The following GALNT13 variants were observed in gnomAD, a reference collection of about 807,000 sequenced individuals.
GALNT13 encodes UDP-GalNAc:polypeptide N-acetylgalactosaminyltransferase 13.
In GALNT13, 28 loss-of-function variants were observed where a neutral mutation model predicts 64.2. The ratio of observed to expected loss-of-function variants is 0.44; its 90% CI spans 0.32 to 0.60. The LOEUF is 0.60. Among genes scored for constraint, GALNT13 ranks in the 20% least tolerant of loss-of-function variants. The pLI is 0.05. For missense variants in GALNT13, 577 were observed against 669.8 expected (o/e 0.86, Z 1.53); for synonymous variants, 214 against 224.6 (o/e 0.95, Z 0.42).
At chr2:153,177,994 C>T in the GALNT13 span, among the ~76,000 whole-genome samples, 1 of 152,114 alleles carries the variant, frequency 6.6e-6, no homozygotes, top group Admixed American at 6.5e-5. Context: ...ACTTATTTCA[C>T]TTAGGATGTT....
At chr2:153,997,684 T>C (rs1416515824) in intron 3 of GALNT13, among the ~76,000 whole-genome samples, 1 of 152,198 alleles carries the variant, frequency 6.6e-6, no homozygotes, top group Admixed American at 6.5e-5. Context: ...GGGATACATA[T>C]GCAGAACGTG....
chr2:153,531,416 T>C, the GALNT13 span, among the ~76,000 whole-genome samples: 28 of 152,280 alleles, frequency 1.8e-4, 1 homozygote, highest in South Asian at 6.2e-4. Context: ...ACAAGCTTTA[T>C]TGGGATGGTG....
At chr2:154,354,898 G>T (rs1221859553) in intron 9 of GALNT13, among the ~76,000 whole-genome samples, 1 of 151,498 alleles carries the variant, frequency 6.6e-6, no homozygotes, top group East Asian at 2.0e-4. Context: ...TCGAATGCCA[G>T]TGTTTCTATA....
At chr2:154,067,241 C>A (rs1424009394) in intron 3 of GALNT13, among the ~76,000 whole-genome samples, 4 of 151,806 alleles carry the variant, frequency 2.6e-5, no homozygotes, top group Non-Finnish European at 5.9e-5. Flanking sequence ...GACCACAAAA[C>A]CACTATAAAA....
chr2:153,545,027 G>A, the GALNT13 span, among the ~76,000 whole-genome samples: 91 of 152,218 alleles, frequency 6.0e-4, no homozygotes, highest in Non-Finnish European at 1.0e-3. Context: ...GACTAGTAGT[G>A]AGTGAAATAG....
At chr2:153,952,250 G>A (rs940652545) in intron 3 of GALNT13, among the ~76,000 whole-genome samples, 13 of 152,164 alleles carry the variant, frequency 8.5e-5, no homozygotes, top group Admixed American at 6.5e-5. Flanking sequence ...AGGGCATGTG[G>A]TAGGTTTGCA....
At chr2:154,004,109 G>A (rs1696093283) in intron 3 of GALNT13, among the ~76,000 whole-genome samples, 1 of 151,944 alleles carries the variant, frequency 6.6e-6, no homozygotes, top group African/African-American at 2.4e-5. Context: ...TCTAATTATA[G>A]ACTAATTCTA....
chr2:153,161,913 G>A, the GALNT13 span, among the ~76,000 whole-genome samples: 1 of 152,316 alleles, frequency 6.6e-6, no homozygotes, highest in South Asian at 2.1e-4. Context: ...TGGAAAGAAT[G>A]GCGGGAAGGC....
chr2:153,689,383 T>A, the GALNT13 span, among the ~76,000 whole-genome samples: 1 of 152,090 alleles, frequency 6.6e-6, no homozygotes, highest in East Asian at 1.9e-4. Flanking sequence ...TTCTACTGGA[T>A]TTGAAGGCAT....
At chr2:154,396,240 T>G (rs77322522) in intron 10 of GALNT13, 110 bp downstream of exon 10, 22,513 of 599,108 alleles carry the variant, frequency 0.038, 516 homozygotes, top group South Asian at 0.063. Context: ...GATTTTTAAT[T>G]AGATCTGTTT....
chr2:153,445,709 A>G, the GALNT13 span, among the ~76,000 whole-genome samples: 4 of 152,140 alleles, frequency 2.6e-5, no homozygotes, highest in East Asian at 5.8e-4. Context: ...AAATTCATTT[A>G]AAAATAATCT....
chr2:153,249,130 C>A, the GALNT13 span, among the ~76,000 whole-genome samples: 3 of 152,102 alleles, frequency 2.0e-5, no homozygotes, highest in Admixed American at 2.0e-4. Flanking sequence ...TCTAGAAAAC[C>A]CCATCATCTC....
the GALNT13 span, among the ~76,000 whole-genome samples, chr2:153,379,981 G>A: frequency 6.6e-6 from 1 of 152,090 alleles, no homozygotes; most frequent in Non-Finnish European, 1.5e-5. Context: ...CTGGAAGATT[G>A]GAAAGTCTTT....
At chr2:153,223,227 A>G in the GALNT13 span, among the ~76,000 whole-genome samples, 29 of 152,358 alleles carry the variant, frequency 1.9e-4, no homozygotes, top group Non-Finnish European at 3.1e-4. Context: ...ATCCACTACT[A>G]TAGTTGGAGA....
At chr2:153,318,427 A>G in the GALNT13 span, among the ~76,000 whole-genome samples, 1 of 152,104 alleles carries the variant, frequency 6.6e-6, no homozygotes, top group Non-Finnish European at 1.5e-5. Context: ...TAGAATTTCC[A>G]GAACAGGAGG....
At chr2:153,682,231 A>C in the GALNT13 span, among the ~76,000 whole-genome samples, 1 of 151,728 alleles carries the variant, frequency 6.6e-6, no homozygotes, top group Admixed American at 6.6e-5. Context: ...CTATCAGTTG[A>C]AAGGGTTACA....
the GALNT13 span, among the ~76,000 whole-genome samples, chr2:153,722,306 C>T: frequency 7.0e-6 from 1 of 143,142 alleles, no homozygotes; most frequent in Admixed American, 6.9e-5. Flanking sequence ...GCATTCAAAG[C>T]AGTGTGTAGA....
intron 2 of GALNT13, among the ~76,000 whole-genome samples, chr2:153,902,996 A>C (rs1276284348): frequency 6.6e-6 from 1 of 152,084 alleles, no homozygotes; most frequent in East Asian, 1.9e-4. Context: ...CAATAATCAG[A>C]GAAACATATT....
the GALNT13 span, among the ~76,000 whole-genome samples, chr2:153,398,225 A>C: frequency 0.13 from 20,412 of 151,802 alleles, 1,429 homozygotes; most frequent in Non-Finnish European, 0.15. Context: ...TTCCAGTTTC[A>C]CCCATGTCCC....
Sources: allele counts gnomAD v4.1 joint callset (sites outside exome capture counted in the v4.1 genomes callset), GRCh38; gene constraint gnomAD v4.1.1; transcripts MANE v1.5; gene names NCBI Gene and HGNC (gene_info 2026-07-23, HGNC 2026-07-21).